Variants in TIAM1 observed in about 807,000 individuals in gnomAD.
The protein encoded by TIAM1 is rho guanine nucleotide exchange factor TIAM1.
Under a neutral mutation model 163.5 loss-of-function variants are expected in TIAM1, and 65 were observed. The ratio of observed to expected loss-of-function variants is 0.40; its 90% CI spans 0.33 to 0.49. TIAM1 has a LOEUF of 0.49. Ranked by LOEUF, TIAM1 falls within the 20% of genes least tolerant of loss-of-function variation. The probability of loss-of-function intolerance (pLI) is 0.77; values close to 1 mark genes in which losing one functional copy is unlikely to be tolerated. For missense variants in TIAM1, 1,789 were observed against 2,044.7 expected, an observed-to-expected ratio of 0.87 and a Z score of 2.41; for synonymous variants, 833 against 810.1, an observed-to-expected ratio of 1.03 and a Z score of -0.48.
At chr21:31,354,867 C>A (rs1399956082) in intron 2 of TIAM1, among the ~76,000 whole-genome samples, 1 of 152,200 alleles carries the variant, frequency 6.6e-6, no homozygotes, top group Non-Finnish European at 1.5e-5. Context: ...GCCCAGCTGA[C>A]AATCCTTGCT....
At chr21:31,514,318 T>C (rs1032521950) in intron 1 of TIAM1, among the ~76,000 whole-genome samples, 9 of 152,130 alleles carry the variant, frequency 5.9e-5, no homozygotes, top group Non-Finnish European at 1.5e-5. Context: ...AATTCTAGGT[T>C]CTTCCTTCTA....
At chr21:31,261,203 C>T (rs568352490) in intron 4 of TIAM1, among the ~76,000 whole-genome samples, 1 of 150,950 alleles carries the variant, frequency 6.6e-6, no homozygotes, top group African/African-American at 2.4e-5. Context: ...CATCTCTCTC[C>T]GTAATCAGTG....
At chr21:31,261,982 G>A (rs137862102) in intron 4 of TIAM1, among the ~76,000 whole-genome samples, 4 of 152,134 alleles carry the variant, frequency 2.6e-5, no homozygotes, top group Non-Finnish European at 4.4e-5. Context: ...CATGCACAAC[G>A]GCTCCACGCC....
intron 2 of TIAM1, among the ~76,000 whole-genome samples, chr21:31,311,076 T>G (rs1304596105): frequency 2.6e-5 from 4 of 152,146 alleles, no homozygotes; most frequent in South Asian, 2.1e-4. Context: ...AATAATGAAC[T>G]GCCAATAAGC....
chr21:31,365,067 G>A lies in TIAM1; in HGVS notation c.-368-25645C>T, dbSNP rs76699626. 9.0e-3 allele frequency among the ~76,000 whole-genome samples: 1,363 copies of A among 152,112 alleles called. 21 individuals are homozygous for A. The highest frequency in any genetic ancestry group is 0.03 in the African/African-American group (1,244 of 41,504). On this transcript the variant is annotated intron_variant, in intron 2 of 28. Transcript: ENST00000286827. ...AATTATTCTTCTTTTCCCCCCAGCC[G>A]CTTAAAAATGTAAAAGACATTTTTA... is the stretch of plus-strand genomic sequence containing the variant.
At chr21:31,299,409 C>T (rs962935287) in intron 2 of TIAM1, among the ~76,000 whole-genome samples, 1 of 152,202 alleles carries the variant, frequency 6.6e-6, no homozygotes, top group Admixed American at 6.5e-5. Context: ...AACACTAAAC[C>T]TATCAACTGT....
At chr21:31,486,241 C>T (rs1333299325) in intron 1 of TIAM1, among the ~76,000 whole-genome samples, 1 of 152,206 alleles carries the variant, frequency 6.6e-6, no homozygotes, top group Non-Finnish European at 1.5e-5. Context: ...GGACACTTTC[C>T]ACTCTGGATC....
At chr21:31,440,219 G>A (rs1412034434) in intron 2 of TIAM1, among the ~76,000 whole-genome samples, 5 of 152,190 alleles carry the variant, frequency 3.3e-5, no homozygotes, top group South Asian at 4.1e-4. Flanking sequence ...TGCCAGCAGC[G>A]TAGCAACTGA....
At chr21:31,234,221 AC>A (rs2088609326) in intron 6 of TIAM1, among the ~76,000 whole-genome samples, 1 of 152,030 alleles carries the variant, frequency 6.6e-6, no homozygotes, top group Non-Finnish European at 1.5e-5. Flanking sequence ...AATCTACACA[AC>A]CCTTGGAGAT....
At chr21:31,185,543 TATATATTATATATTAATATA>T (rs1403875901) in intron 14 of TIAM1, among the ~76,000 whole-genome samples, 6,159 of 141,710 alleles carry the variant, frequency 0.043, 469 homozygotes, top group African/African-American at 0.15. Flanking sequence ...ATTATGCCAT[TATATATTATATATTAATATA>T]ATATATTATA....
intron 2 of TIAM1, among the ~76,000 whole-genome samples, chr21:31,391,431 C>G (rs2076963190): frequency 6.6e-6 from 1 of 152,080 alleles, no homozygotes; most frequent in Non-Finnish European, 1.5e-5. Context: ...TCGAGACCAG[C>G]CTGGCCAACA....
intron 5 of TIAM1, among the ~76,000 whole-genome samples, chr21:31,247,163 T>TA (rs886422326): frequency 4.6e-5 from 7 of 151,294 alleles, no homozygotes; most frequent in East Asian, 2.0e-4. Context: ...CTACTAAAAA[T>TA]AAAAAAAATC....
Position 31,165,053 on chromosome 21 carries a change from C to A in TIAM1, c.2900G>T (p.Cys967Phe), listed in dbSNP as rs776504017. The stretch of plus-strand genomic sequence containing the variant: ...CTCAGCACTGCTGCCCTGCTCGCTG[C>A]AAAGGCTGTGCCCTGTCAGATGAAA... ...FLTSNPGHSL[C>F]SEQGSSAETA... Residue 967 changes from cysteine (C) to phenylalanine (F), a missense_variant, in exon 16 of 28, where the codon TGC (cysteine) becomes TTC (phenylalanine). By Grantham distance (205) the Cys-to-Phe change is radical. Coordinates refer to ENST00000541036, the MANE Select transcript of TIAM1 (RefSeq NM_001353694.2). 6.2e-7 allele frequency: 1 copy of A among 1,613,976 alleles called. No homozygotes were observed. The highest frequency in any genetic ancestry group is 1.1e-5 in the South Asian group (1 of 91,084).
At chr21:31,503,414 A>C (rs1405947177) in intron 1 of TIAM1, among the ~76,000 whole-genome samples, 1 of 111,306 alleles carries the variant, frequency 9.0e-6, no homozygotes, top group Non-Finnish European at 1.8e-5. Flanking sequence ...AGAAGAGAAG[A>C]GAAGAGGAGA....
chr21:31,118,824 G>A lies in TIAM1; in HGVS notation c.*1544C>T, dbSNP rs936861124. 3.1e-5 allele frequency: 11 copies of A among 355,350 alleles called. No individual in the cohort carries two copies. The highest frequency in any genetic ancestry group is 1.3e-4 in the African/African-American group (6 of 46,490). The allele number at this position is 355,350 out of a possible 1,614,324, so 22.0% of individuals were successfully genotyped here. ...ATCAAGCTCGAAGCCCTGGAAACCCGAAAGGCGGGGGGAATACAGGGTGGG... is the reference window on the plus strand; with the variant it reads ...ATCAAGCTCGAAGCCCTGGAAACCCAAAAGGCGGGGGGAATACAGGGTGGG... On this transcript the variant is annotated 3_prime_UTR_variant, in exon 28 of 28. Coordinates refer to ENST00000541036, the MANE Select transcript of TIAM1 (RefSeq NM_001353694.2).
chr21:31,490,166 G>A (rs1329118299), intron 1 of TIAM1, among the ~76,000 whole-genome samples: 1 of 151,432 alleles, frequency 6.6e-6, no homozygotes, highest in Non-Finnish European at 1.5e-5. Flanking sequence ...TATTATTCTT[G>A]TTAACTCAGA....
chr21:31,348,407 G>A (rs559474925), upstream of TIAM1, among the ~76,000 whole-genome samples: 2 of 152,212 alleles, frequency 1.3e-5, no homozygotes, highest in Non-Finnish European at 2.9e-5. Context: ...GGCCAGGGAA[G>A]AGTCTCCTCC....
chr21:31,546,081 A>T (rs1045306946), intron 1 of TIAM1, among the ~76,000 whole-genome samples: 13 of 152,072 alleles, frequency 8.5e-5, no homozygotes, highest in African/African-American at 2.6e-4. Flanking sequence ...TTTAAAAAAA[A>T]TTTTTAATAA....
intron 2 of TIAM1, among the ~76,000 whole-genome samples, chr21:31,455,415 AAT>A (rs1491571843): frequency 7.6e-6 from 1 of 131,346 alleles, no homozygotes; most frequent in Non-Finnish European, 1.7e-5. Flanking sequence ...ATTTAATTTT[AAT>A]TTTTTTTTTT....
Sources: gnomAD v4.1 joint callset for allele counts (sites outside exome capture counted in the v4.1 genomes callset) on GRCh38, gnomAD v4.1.1 for gene constraint, MANE v1.5 for transcripts, NCBI Gene and HGNC (gene_info 2026-07-23, HGNC 2026-07-21) for gene names.